Variants in TBKBP1 observed in about 807,000 individuals in gnomAD.
The protein encoded by TBKBP1 is TANK-binding kinase 1-binding protein 1.
In TBKBP1, 47 loss-of-function variants were observed where a neutral mutation model predicts 69.9. That is an observed-to-expected ratio of 0.67 (90% CI 0.53 to 0.86). The LOEUF is 0.86. Among genes scored for constraint, TBKBP1 ranks in the 40% least tolerant of loss-of-function variants. The pLI, the probability that TBKBP1 is intolerant of heterozygous loss-of-function variation, is 0.00. For synonymous variants in TBKBP1, 418 were observed against 390.3 expected (o/e 1.07, Z -0.84); for missense variants, 831 against 858.6 (o/e 0.97, Z 0.40).
At position 47,699,672 on chromosome 17, in the gene TBKBP1, T is replaced by C. The variant is rs2031411776; in HGVS notation, c.847T>C (p.Trp283Arg). 3 of 1,613,646 alleles carry C rather than the reference T, an allele frequency of 1.9e-6. No individual in the cohort carries two copies. The South Asian group carries it at 3.3e-5, about 18-fold the overall frequency. The change falls in exon 7 of 10, where the codon TGG (tryptophan) becomes CGG (arginine). Residue 283 changes from tryptophan to arginine, a missense_variant. By Grantham distance (101) the Trp-to-Arg change is moderately radical (BLOSUM62 -3). Coordinates refer to ENST00000578982, the MANE Select transcript of TBKBP1 (RefSeq NM_001394755.1). ...ASNQSERDMA[W>R]VKRVGDDQVN... is the part of the protein sequence containing the mutation. Reference sequence around the variant, plus strand: ...CAACCAGTCGGAGCGAGACATGGCGTGGGTGAAAAGAGTTGGGGATGATCA... The same window carrying C: ...CAACCAGTCGGAGCGAGACATGGCGCGGGTGAAAAGAGTTGGGGATGATCA...
intron 7 of TBKBP1, among the ~76,000 whole-genome samples, chr17:47,706,871 G>GCACA (rs1239056003): frequency 2.4e-5 from 2 of 82,394 alleles, no homozygotes; most frequent in African/African-American, 4.5e-5. Flanking sequence ...ACACACACAC[G>GCACA]CACACACCCC....
chr17:47,697,462 T>C (rs2031296582), intron 4 of TBKBP1, among the ~76,000 whole-genome samples: 1 of 152,120 alleles, frequency 6.6e-6, no homozygotes, highest in Non-Finnish European at 1.5e-5. Flanking sequence ...TCTGTCTCTG[T>C]GTGTATGCCT....
intron 1 of TBKBP1, 105 bp from the exon 2 acceptor site, chr17:47,695,974 G>A: frequency 3.1e-6 from 2 of 650,588 alleles, no homozygotes; most frequent in Non-Finnish European, 5.2e-6. Flanking sequence ...GGAAGTTTCT[G>A]GGTTGCATCT....
intron 7 of TBKBP1, among the ~76,000 whole-genome samples, chr17:47,705,328 T>TTTCTCATC (rs1353147242): frequency 6.6e-6 from 1 of 152,218 alleles, no homozygotes; most frequent in Admixed American, 6.5e-5. Context: ...AAGCCTCAGT[T>TTTCTCATC]TTCTCATCTG....
At chr17:47,696,891 A>G (rs1359083272) in intron 3 of TBKBP1, 58 bp downstream of exon 3, 1 of 1,595,366 alleles carries the variant, frequency 6.3e-7, no homozygotes, top group African/African-American at 1.3e-5. Context: ...TGTTTCTGAT[A>G]CCCTTCCCTC....
intron 7 of TBKBP1, among the ~76,000 whole-genome samples, chr17:47,703,656 G>T (rs576366604): frequency 2.0e-5 from 3 of 151,838 alleles, no homozygotes; most frequent in African/African-American, 7.3e-5. Flanking sequence ...TCCTTAAACC[G>T]AAGCCACTAG....
At chr17:47,697,243 G>C in intron 4 of TBKBP1, 50 bp downstream of exon 4, 1 of 1,465,448 alleles carries the variant, frequency 6.8e-7, no homozygotes, top group Non-Finnish European at 9.4e-7. Flanking sequence ...CTGGTTGTGT[G>C]TGTGCATGTG....
Position 47,711,435 on chromosome 17 carries a change from C to T in TBKBP1, c.*809C>T, listed in dbSNP as rs574888492. The T allele has an allele frequency of 6.5e-6, 1 of 152,984 alleles. No homozygotes were observed. The highest frequency in any genetic ancestry group is 2.1e-4 in the South Asian group (1 of 4,830). The allele number at this position is 152,984 out of a possible 1,614,324, so 9.5% of individuals were successfully genotyped here. A position where few individuals can be genotyped will look rare whatever the true frequency, so the allele number is the denominator to read the frequency against. On this transcript the variant is annotated 3_prime_UTR_variant, in exon 10 of 10. Coordinates refer to ENST00000578982, the MANE Select transcript of TBKBP1 (RefSeq NM_001394755.1). ...CACAGATCGTCAAGGCAGGTACCCC[C>T]TCAACCCTTCTTCCACTGGAGCCCC... is the stretch of plus-strand genomic sequence containing the variant.
At position 47,708,515 on chromosome 17, in the gene TBKBP1, G is replaced by A. The variant is rs772044153; in HGVS notation, c.991+3G>A. ...GCAGGAACAGGCCCGGAGTGGCGGTGAGATGGGGCAGGGCAGGGGGAGGCA... is the reference window on the plus strand; with the variant it reads ...GCAGGAACAGGCCCGGAGTGGCGGTAAGATGGGGCAGGGCAGGGGGAGGCA... On this transcript the variant is annotated splice_donor_region_variant and intron_variant, in intron 8 of 9. Coordinates refer to ENST00000578982, the MANE Select transcript of TBKBP1 (RefSeq NM_001394755.1). The surrounding 1 kb of genome is among the most constrained non-coding windows in gnomAD (Gnocchi z 4.4). 2 of 1,613,642 alleles carry A rather than the reference G, an allele frequency of 1.2e-6. No homozygotes were observed. The highest frequency in any genetic ancestry group is 2.2e-5 in the South Asian group (2 of 91,074).
intron 4 of TBKBP1, among the ~76,000 whole-genome samples, chr17:47,697,710 T>TA (rs1280862807): frequency 6.6e-6 from 1 of 152,094 alleles, no homozygotes; most frequent in Admixed American, 6.5e-5. Flanking sequence ...CTCACGCCTA[T>TA]AATCTCAGCA....
chr17:47,709,241 T>C lies in TBKBP1; in HGVS notation c.1508T>C (p.Leu503Pro). 6.6e-7 allele frequency: 1 copy of C among 1,523,890 alleles called. No individual in the cohort carries two copies. The highest frequency in any genetic ancestry group is 8.7e-7 in the Non-Finnish European group (1 of 1,144,836). The allele number at this position is 1,523,890 out of a possible 1,614,324, so 94.4% of individuals were successfully genotyped here. The change falls in exon 9 of 10, where the codon CTC becomes CCC. Residue 503 changes from leucine (L) to proline (P), a missense_variant. By Grantham distance (98) the Leu-to-Pro change is moderately conservative (BLOSUM62 -3). Coordinates refer to ENST00000578982, the MANE Select transcript of TBKBP1 (RefSeq NM_001394755.1). The stretch of plus-strand genomic sequence containing the variant: ...GAGCTCTACGGCCCTGGCAGGCCCC[T>C]CAGCCCGCGGCGCGCCTTCGAGGGC... ...GSELYGPGRPLSPRRAFEGIR... is the reference protein window; with the variant it reads ...GSELYGPGRPPSPRRAFEGIR...
At chr17:47,703,960 T>A (rs1478478648) in intron 7 of TBKBP1, among the ~76,000 whole-genome samples, 1 of 152,174 alleles carries the variant, frequency 6.6e-6, no homozygotes, top group East Asian at 1.9e-4. Context: ...GCGGTGTGTT[T>A]CTGGTTCAGG....
chr17:47,696,086 C>T lies in TBKBP1; in HGVS notation c.-27C>T. ...TTGCTCCTGCTCTCCTAGGAGGCCC[C>T]GTGTGGGCCGCGGCCCGGCCCTCAC... On this transcript the variant is annotated 5_prime_UTR_variant, in exon 2 of 10. Transcript: ENST00000578982. 1 of 1,574,216 alleles carries T rather than the reference C, an allele frequency of 6.4e-7. No individual in the cohort carries two copies. The highest frequency in any genetic ancestry group is 2.2e-5 in the East Asian group (1 of 44,520).
intron 7 of TBKBP1, among the ~76,000 whole-genome samples, chr17:47,703,976 C>T (rs191926661): frequency 1.4e-4 from 22 of 152,258 alleles, no homozygotes; most frequent in Admixed American, 1.4e-3. Flanking sequence ...TCAGGTTCTT[C>T]TTCAGGTAGA....
intron 7 of TBKBP1, among the ~76,000 whole-genome samples, chr17:47,703,366 G>A (rs746536303): frequency 2.0e-5 from 3 of 152,182 alleles, no homozygotes; most frequent in Non-Finnish European, 4.4e-5. Flanking sequence ...TACCCTGAGC[G>A]TAGCCTCATG....
At chr17:47,706,116 G>T (rs1419450302) in intron 7 of TBKBP1, among the ~76,000 whole-genome samples, 1 of 152,184 alleles carries the variant, frequency 6.6e-6, no homozygotes, top group South Asian at 2.1e-4. Context: ...CTGAGGCGGG[G>T]TGTGAAGACG....
chr17:47,703,453 C>T (rs984029186), intron 7 of TBKBP1, among the ~76,000 whole-genome samples: 3 of 152,200 alleles, frequency 2.0e-5, no homozygotes, highest in Non-Finnish European at 4.4e-5. Flanking sequence ...AAGTCTCCTT[C>T]GGCCAGGGCA....
rs1341465324 is a variant in TBKBP1 at position 47,708,998 on chromosome 17, C to T, written c.1265C>T (p.Pro422Leu). 1.9e-5 allele frequency: 21 copies of T among 1,135,092 alleles called. No homozygotes were observed. In the South Asian group the frequency reaches 5.9e-4, roughly 32 times the overall value. The allele number at this position is 1,135,092 out of a possible 1,614,324, so 70.3% of individuals were successfully genotyped here. ...CGTTCCCCGGTGCCCCCCAGCTGCC[C>T]GGCCCCGCAGCCCCGGCCACCGCCG... ...QRRSPVPPSC[P>L]APQPRPPPPP... The change falls in exon 9 of 10, where the codon CCG (proline) becomes CTG (leucine). Residue 422 changes from proline to leucine, a missense_variant. Coordinates refer to ENST00000578982, the MANE Select transcript of TBKBP1 (RefSeq NM_001394755.1). The surrounding 1 kb of genome is among the most constrained non-coding windows in gnomAD (Gnocchi z 4.4).
In TBKBP1 at chr17:47,711,153, GC is replaced by G; in HGVS notation, c.*532del. ...GGCCAGCCTAGGGCTCATGGCATGG[GC>G]CCCCACTGGGGGAGGGAGGCATCTT... On this transcript the variant is annotated 3_prime_UTR_variant, in exon 10 of 10. Coordinates refer to ENST00000578982, the MANE Select transcript of TBKBP1 (RefSeq NM_001394755.1). The G allele has an allele frequency of 6.5e-6, 1 of 153,054 alleles. No individual in the cohort carries two copies. Among genetic ancestry groups the G allele is most frequent in the Non-Finnish European group, 1.5e-5 (1 of 68,596 alleles). The allele number at this position is 153,054 out of a possible 1,614,324, so 9.5% of individuals were successfully genotyped here.
Sources: allele counts gnomAD v4.1 joint callset (sites outside exome capture counted in the v4.1 genomes callset), GRCh38; gene constraint gnomAD v4.1.1; non-coding constraint Gnocchi (gnomAD v3.1); transcripts MANE v1.5; gene names NCBI Gene and HGNC (gene_info 2026-07-23, HGNC 2026-07-21).